Variants in SLC16A3 observed in about 807,000 individuals in gnomAD.
SLC16A3 encodes solute carrier family 16 member 3, also known as monocarboxylate transporter 4.
A neutral mutation model predicts 25.0 loss-of-function variants in SLC16A3; 22 were observed. That is an observed-to-expected ratio of 0.88 (90% CI 0.63 to 1.26). The LOEUF (loss-of-function observed/expected upper bound fraction) is 1.26. Ranked by LOEUF, SLC16A3 falls within the 50% of genes most tolerant of loss-of-function variation. The pLI is 0.00. For synonymous variants in SLC16A3, 390 were observed against 309.2 expected (o/e 1.26, Z -2.74); for missense variants, 731 against 666.6 (o/e 1.10, Z -1.06).
At position 82,238,598 on chromosome 17, in the gene SLC16A3, G is replaced by A. The variant is rs2050678471; in HGVS notation, c.1124-104G>A. On this transcript the variant is annotated intron_variant, in intron 4 of 4. Coordinates refer to ENST00000582743, the MANE Select transcript of SLC16A3 (RefSeq NM_004207.4). ...GCCCCACAAGCTCAGAGGCAGACAG[G>A]GTGACCCTTGCGTGCTGAGACACCG... 4 of 1,209,980 alleles carry A rather than the reference G, an allele frequency of 3.3e-6. No homozygotes were observed. The African/African-American group carries it at 4.6e-5, about 14-fold the overall frequency. The allele number at this position is 1,209,980 out of a possible 1,614,324, so 75.0% of individuals were successfully genotyped here.
At chr17:82,217,943 GC>G (rs2050365480) in exon 1 of SLC16A3, among the ~76,000 whole-genome samples, 1 of 152,198 alleles carries the variant, frequency 6.6e-6, no homozygotes, top group African/African-American at 2.4e-5. Flanking sequence ...CACTCCCCAG[GC>G]CCCCGGCCCC....
chr17:82,235,781 A>C (rs2050586021), intron 1 of SLC16A3: 3 of 592,634 alleles, frequency 5.1e-6, no homozygotes, highest in Non-Finnish European at 9.0e-6. Context: ...GGCAGTGCAG[A>C]GGGAGTGGGA....
In SLC16A3 at chr17:82,237,088, G is replaced by C; in HGVS notation, c.368-50G>C. On this transcript the variant is annotated intron_variant, in intron 3 of 4. Coordinates refer to ENST00000582743, the MANE Select transcript of SLC16A3 (RefSeq NM_004207.4). The stretch of plus-strand genomic sequence containing the variant: ...ACCTGGGGGCAGAGATGAGGGTCTC[G>C]GGCTTTGGGGCAGCCTTGGGGGGCT... 3.4e-6 allele frequency: 5 copies of C among 1,467,226 alleles called. No individual in the cohort carries two copies. In the African/African-American group the frequency reaches 7.5e-5, roughly 22 times the overall value. The allele number at this position is 1,467,226 out of a possible 1,614,324, so 90.9% of individuals were successfully genotyped here.
chr17:82,237,627 G>C lies in SLC16A3; in HGVS notation c.857G>C (p.Gly286Ala). Residue 286 changes from glycine to alanine, a missense_variant, in exon 4 of 5, where the codon GGG becomes GCG. Transcript: ENST00000582743. ...CGGCCGGCCGCGGGCTTCGTGGCGG[G>C]GCTTGGGAAGGTGCGGCCCTACTCC... ...FARPAAGFVAGLGKVRPYSVY... is the reference protein window; with the variant it reads ...FARPAAGFVAALGKVRPYSVY... The C allele has an allele frequency of 6.2e-7, 1 of 1,612,948 alleles. No individual in the cohort carries two copies. Among genetic ancestry groups the C allele is most frequent in the Non-Finnish European group, 8.5e-7 (1 of 1,179,910 alleles).
intron 4 of SLC16A3, 97 bp downstream of exon 4, chr17:82,237,990 G>A (rs530941870): frequency 8.7e-6 from 12 of 1,380,910 alleles, no homozygotes; most frequent in Admixed American, 2.1e-5. Flanking sequence ...GCAGCCACCC[G>A]CAGTGTGGGA....
rs1163206570 is a variant in SLC16A3, at chr17:82,239,713, T to C, written c.*737T>C. The C allele has an allele frequency of 8.2e-6, 3 of 367,888 alleles. No homozygotes were observed. The highest frequency in any genetic ancestry group is 1.5e-5 in the Non-Finnish European group (3 of 206,816). The allele number at this position is 367,888 out of a possible 1,614,324, so 22.8% of individuals were successfully genotyped here. The stretch of plus-strand genomic sequence containing the variant: ...GTGCCAGGGAGCCCCTACGTGGTGG[T>C]TAGATGGGAGCTGAGGTGGAACAAG... On this transcript the variant is annotated 3_prime_UTR_variant, in exon 5 of 5. Coordinates refer to ENST00000582743, the MANE Select transcript of SLC16A3 (RefSeq NM_004207.4).
At chr17:82,232,547 A>G (rs140241996) in intron 1 of SLC16A3, among the ~76,000 whole-genome samples, 2 of 152,208 alleles carry the variant, frequency 1.3e-5, no homozygotes, top group South Asian at 4.1e-4. Flanking sequence ...GCCACCTGGC[A>G]TGGCGTTCCA....
chr17:82,237,542 G>A lies in SLC16A3; in HGVS notation c.772G>A (p.Val258Met), dbSNP rs748421184. 6.8e-6 allele frequency: 11 copies of A among 1,611,100 alleles called. No individual in the cohort carries two copies. Among genetic ancestry groups the A allele is most frequent in the African/African-American group, 2.7e-5 (2 of 74,908 alleles). The change falls in exon 4 of 5, where the codon GTG (valine) becomes ATG (methionine). Residue 258 changes from valine (V) to methionine (M), a missense_variant. Physicochemically the swap from Val to Met is conservative, Grantham distance 21. Transcript: ENST00000582743. ...FVVSYAKDLG[V>M]PDTKAAFLLT... ...GGTGAGCTACGCCAAGGACCTGGGC[G>A]TGCCCGACACCAAGGCCGCCTTCCT...
chr17:82,236,997 CGTT>C (rs2050619415), intron 3 of SLC16A3, 125 bp downstream of exon 3: 14 of 1,468,682 alleles, frequency 9.5e-6, no homozygotes, highest in South Asian at 9.1e-5. Context: ...GGCCCCACCT[CGTT>C]GTCCCCCTCT....
In SLC16A3 at chr17:82,229,073, CGAGAGGCGGG is replaced by C. The variant is rs1247176523; in HGVS notation, c.-59_-50del. ...GGCGGGCAGAGGCGGCGAGAGGCGG[CGAGAGGCGGG>C]CTGAGGCGGCCCAGCGGCGGCAGGT... On this transcript the variant is annotated 5_prime_UTR_variant, in exon 1 of 5. Coordinates refer to ENST00000582743, the MANE Select transcript of SLC16A3 (RefSeq NM_004207.4). 6 of 100,020 alleles carry C rather than the reference CGAGAGGCGGG, an allele frequency of 6.0e-5. No individual in the cohort carries two copies. The highest frequency in any genetic ancestry group is 8.3e-5 in the African/African-American group (2 of 24,080). The allele number at this position is 100,020 out of a possible 1,614,324, so 6.2% of individuals were successfully genotyped here.
At chr17:82,231,175 C>T (rs528486575) in intron 1 of SLC16A3, 50 of 152,242 alleles carry the variant, frequency 3.3e-4, no homozygotes, top group African/African-American at 1.1e-3. Context: ...GCATCCTTCC[C>T]TCCCCCTCCC....
intron 1 of SLC16A3, among the ~76,000 whole-genome samples, chr17:82,219,948 G>A (rs1599546615): frequency 6.6e-6 from 1 of 152,146 alleles, no homozygotes; most frequent in Non-Finnish European, 1.5e-5. Context: ...TGGGACACAG[G>A]GCAGGTGGAG....
At chr17:82,232,356 G>A (rs62622791) in intron 1 of SLC16A3, 6,365 of 152,586 alleles carry the variant, frequency 0.042, 205 homozygotes, top group Non-Finnish European at 0.068. Context: ...GAGGACCTAG[G>A]CGGGTGAGGG....
chr17:82,239,001 C>A lies in SLC16A3; in HGVS notation c.*25C>A. 2 of 1,502,826 alleles carry A rather than the reference C, an allele frequency of 1.3e-6. No homozygotes were observed. The highest frequency in any genetic ancestry group is 1.8e-6 in the Non-Finnish European group (2 of 1,123,424). The allele number at this position is 1,502,826 out of a possible 1,614,324, so 93.1% of individuals were successfully genotyped here. On this transcript the variant is annotated 3_prime_UTR_variant, in exon 5 of 5. Transcript: ENST00000582743. Reference sequence around the variant, plus strand: ...AGTGGCTGGGCGGGGCCGGCAGGCACAGGGAGGAGGTACAGAAGCCGGCAA... The same window carrying A: ...AGTGGCTGGGCGGGGCCGGCAGGCAAAGGGAGGAGGTACAGAAGCCGGCAA...
chr17:82,218,684 C>G (rs533974079), intron 1 of SLC16A3, among the ~76,000 whole-genome samples: 1 of 152,132 alleles, frequency 6.6e-6, no homozygotes. Context: ...GACAGAGGCC[C>G]GGCCAGGGCT....
intron 4 of SLC16A3, 44 bp downstream of exon 4, chr17:82,237,937 C>T (rs777833012): frequency 1.9e-5 from 30 of 1,575,760 alleles, no homozygotes; most frequent in East Asian, 4.5e-5. Flanking sequence ...CTGCCCTTCC[C>T]GTCAGACGCC....
chr17:82,226,113 G>A (rs2050420045), upstream of SLC16A3, among the ~76,000 whole-genome samples: 1 of 151,904 alleles, frequency 6.6e-6, no homozygotes, highest in Non-Finnish European at 1.5e-5. Context: ...CAGGCCCCTA[G>A]GAGGACATTC....
In SLC16A3 at chr17:82,239,052, G is replaced by T; in HGVS notation, c.*76G>T. On this transcript the variant is annotated 3_prime_UTR_variant, in exon 5 of 5. Coordinates refer to ENST00000582743, the MANE Select transcript of SLC16A3 (RefSeq NM_004207.4). ...CGCTTGCTATTTATTTTACAAACTG[G>T]ACTGGCTCAGGCAGGGCCACGGCTG... 2 of 1,420,110 alleles carry T rather than the reference G, an allele frequency of 1.4e-6. No individual in the cohort carries two copies. The highest frequency in any genetic ancestry group is 3.0e-5 in the South Asian group (2 of 66,682). The allele number at this position is 1,420,110 out of a possible 1,614,324, so 88.0% of individuals were successfully genotyped here.
At chr17:82,230,751 C>G (rs2050480477) in intron 1 of SLC16A3, 1 of 152,328 alleles carries the variant, frequency 6.6e-6, no homozygotes, top group Non-Finnish European at 1.5e-5. Context: ...ATTGGAGGTG[C>G]CCGGGCCCTG....
Sources: allele counts gnomAD v4.1 joint callset (sites outside exome capture counted in the v4.1 genomes callset), GRCh38; gene constraint gnomAD v4.1.1; transcripts MANE v1.5; gene names NCBI Gene and HGNC (gene_info 2026-07-23, HGNC 2026-07-21).